The following CCDC192 variants were observed in gnomAD, a reference collection of about 807,000 sequenced individuals.
CCDC192 encodes the protein coiled-coil domain containing 192.
chr5:127,882,820 G>T (rs1370812097), intron 6 of CCDC192, among the ~76,000 whole-genome samples: 1 of 152,148 alleles, frequency 6.6e-6, no homozygotes, highest in Non-Finnish European at 1.5e-5. Context: ...TTGTCCACTT[G>T]GGTGTAGGTC....
chr5:127,797,974 T>G (rs527421300), intron 4 of CCDC192, 132 bp from the exon 5 acceptor site: 4 of 389,484 alleles, frequency 1.0e-5, no homozygotes, highest in Middle Eastern at 1.3e-3. Flanking sequence ...CCAATGATGG[T>G]TTTCAAAACG....
intron 2 of CCDC192, among the ~76,000 whole-genome samples, chr5:127,733,926 T>A (rs1037162651): frequency 3.4e-5 from 5 of 147,334 alleles, no homozygotes; most frequent in African/African-American, 1.3e-4. Context: ...TATATATATA[T>A]ATATATTTTT....
chr5:127,843,614 T>G (rs938259869), intron 5 of CCDC192, among the ~76,000 whole-genome samples: 2 of 152,032 alleles, frequency 1.3e-5, no homozygotes, highest in African/African-American at 2.4e-5. Flanking sequence ...ACTTTTGTAT[T>G]TTTAGTAAAG....
At chr5:127,722,613 TC>T (rs1375362672) in intron 2 of CCDC192, among the ~76,000 whole-genome samples, 1 of 152,206 alleles carries the variant, frequency 6.6e-6, no homozygotes, top group African/African-American at 2.4e-5. Flanking sequence ...AAGTCTTTCA[TC>T]CATTTTGATT....
intron 6 of CCDC192, among the ~76,000 whole-genome samples, chr5:127,922,845 A>G (rs1753759189): frequency 6.6e-6 from 1 of 152,226 alleles, no homozygotes; most frequent in South Asian, 2.1e-4. Context: ...AAATGAACCA[A>G]TGGGATGTGG....
intron 5 of CCDC192, among the ~76,000 whole-genome samples, chr5:127,801,044 G>T (rs575751786): frequency 2.0e-5 from 3 of 152,234 alleles, no homozygotes; most frequent in Admixed American, 2.0e-4. Flanking sequence ...AGAGAAGAGA[G>T]AGGATAAAAA....
At chr5:127,753,678 ACT>A (rs1292199421) in intron 2 of CCDC192, among the ~76,000 whole-genome samples, 3 of 149,506 alleles carry the variant, frequency 2.0e-5, no homozygotes, top group Admixed American at 1.3e-4. Context: ...CAAGAGCAAA[ACT>A]CTGCCTGGAA....
intron 6 of CCDC192, among the ~76,000 whole-genome samples, chr5:127,921,540 G>C (rs12654649): frequency 0.068 from 10,282 of 152,282 alleles, 807 homozygotes; most frequent in East Asian, 0.32. Flanking sequence ...ATTATGTTAA[G>C]TATTAAAATA....
chr5:127,752,911 A>T (rs1435141523), intron 2 of CCDC192, among the ~76,000 whole-genome samples: 1 of 152,172 alleles, frequency 6.6e-6, no homozygotes, highest in Non-Finnish European at 1.5e-5. Flanking sequence ...TTTGACTAGG[A>T]AAGGGAACTC....
At chr5:127,725,685 G>A (rs1179376812) in intron 2 of CCDC192, among the ~76,000 whole-genome samples, 2 of 152,146 alleles carry the variant, frequency 1.3e-5, no homozygotes, top group African/African-American at 4.8e-5. Context: ...CTGGTCTGGA[G>A]AGCTTGCTGT....
chr5:127,911,808 G>A (rs931123936), intron 6 of CCDC192, among the ~76,000 whole-genome samples: 3 of 150,640 alleles, frequency 2.0e-5, no homozygotes, highest in Non-Finnish European at 4.4e-5. Flanking sequence ...CTGGGCTCAA[G>A]CAATCCTCTC....
chr5:127,722,757 T>C (rs1752098847), intron 2 of CCDC192, among the ~76,000 whole-genome samples: 1 of 152,220 alleles, frequency 6.6e-6, no homozygotes, highest in South Asian at 2.1e-4. Flanking sequence ...TTGTCAGAAA[T>C]GAGTTTACTG....
chr5:127,911,466 C>T (rs1341567261), intron 6 of CCDC192, among the ~76,000 whole-genome samples: 1 of 152,148 alleles, frequency 6.6e-6, no homozygotes, highest in Admixed American at 6.5e-5. Context: ...GCATCCTTTT[C>T]TTTGAAGTGA....
At chr5:127,728,240 CAT>C (rs1223821578) in intron 2 of CCDC192, among the ~76,000 whole-genome samples, 4 of 152,078 alleles carry the variant, frequency 2.6e-5, no homozygotes, top group African/African-American at 9.7e-5. Context: ...GACACATAAT[CAT>C]CAGATTCTCC....
At chr5:127,771,430 A>T (rs1755545811) in intron 3 of CCDC192, among the ~76,000 whole-genome samples, 2 of 152,262 alleles carry the variant, frequency 1.3e-5, no homozygotes, top group Admixed American at 1.3e-4. Flanking sequence ...AAGTTTTGGA[A>T]AAGAAGCAAA....
At chr5:127,820,197 T>C (rs953672787) in intron 5 of CCDC192, among the ~76,000 whole-genome samples, 4 of 152,266 alleles carry the variant, frequency 2.6e-5, no homozygotes, top group Non-Finnish European at 5.9e-5. Flanking sequence ...GGTTATTCTT[T>C]AAAACAATTT....
At chr5:127,757,376 T>C (rs1754659319) in intron 3 of CCDC192, among the ~76,000 whole-genome samples, 2 of 152,316 alleles carry the variant, frequency 1.3e-5, no homozygotes, top group South Asian at 4.2e-4. Flanking sequence ...ATTTTCAATA[T>C]TATATTTTTA....
chr5:127,702,454 T>TA (rs1317612532), upstream of CCDC192, among the ~76,000 whole-genome samples: 1 of 152,206 alleles, frequency 6.6e-6, no homozygotes, highest in Non-Finnish European at 1.5e-5. Context: ...GGGTTTTTTT[T>TA]ACCAAGGGGC....
At chr5:127,856,011 C>T (rs890418948) in intron 5 of CCDC192, among the ~76,000 whole-genome samples, 8 of 152,164 alleles carry the variant, frequency 5.3e-5, no homozygotes, top group Admixed American at 5.2e-4. Context: ...TGCAGTTAGC[C>T]CTTCACAAGA....
Sources: gnomAD v4.1 joint callset for allele counts (sites outside exome capture counted in the v4.1 genomes callset) on GRCh38, gnomAD v4.1.1 for gene constraint, MANE v1.5 for transcripts, NCBI Gene and HGNC (gene_info 2026-07-23, HGNC 2026-07-21) for gene names.